Variants in RARB observed in about 807,000 individuals in gnomAD.
RARB encodes the protein HBV-activated protein.
In RARB, 17 loss-of-function variants were observed where a neutral mutation model predicts 51.9. That is an observed-to-expected ratio of 0.33 (90% CI 0.22 to 0.49). The LOEUF (loss-of-function observed/expected upper bound fraction) is 0.49, where lower values mean the gene tolerates loss of function less well. Ranked by LOEUF, RARB falls within the 20% of genes least tolerant of loss-of-function variation. RARB has a pLI of 0.99. For synonymous variants in RARB, 215 were observed against 195.4 expected (o/e 1.10, Z -0.84); for missense variants, 369 against 550.8 (o/e 0.67, Z 3.30).
At position 25,502,451 on chromosome 3, in the gene RARB, G is replaced by T. The variant is rs554217839; in HGVS notation, c.448+1128G>T. Among the ~76,000 whole-genome samples, 6 of 152,268 alleles carry T rather than the reference G, an allele frequency of 3.9e-5. No individual in the cohort carries two copies. In the South Asian group the frequency reaches 1.2e-3, roughly 32 times the overall value. ...CCTCTGCTGGGAGCTATTGCTCAGG[G>T]ATTGTAGCAGATGTTTGTTGGTAGC... On this transcript the variant is annotated intron_variant, in intron 3 of 7. Transcript: ENST00000330688.
intron 5 of RARB, among the ~76,000 whole-genome samples, chr3:25,191,554 C>A (rs1432995274): frequency 6.6e-6 from 1 of 152,100 alleles, no homozygotes; most frequent in East Asian, 1.9e-4. Flanking sequence ...AATTTTCCTT[C>A]CAAAGCACAT....
rs185928251 is a variant in RARB, at chr3:25,223,244, T to G, written c.178+48669T>G. ...TACCTTTTGTAGAATGTCATACATA[T>G]GGAATTATACTTGTAGTCTTTTGAC... On this transcript the variant is annotated intron_variant, in intron 5 of 11. Transcript: ENST00000383772. 1.1e-4 allele frequency among the ~76,000 whole-genome samples: 17 copies of G among 152,358 alleles called. No homozygotes were observed. The East Asian group carries it at 3.3e-3, about 29-fold the overall frequency.
Position 25,042,771 on chromosome 3 carries a change from T to C in RARB, c.-379-17354T>C, listed in dbSNP as rs549214517. Among the ~76,000 whole-genome samples, 4 of 152,348 alleles carry C rather than the reference T, an allele frequency of 2.6e-5. No homozygotes were observed. In the East Asian group the frequency reaches 7.7e-4, roughly 29 times the overall value. On this transcript the variant is annotated intron_variant, in intron 2 of 11. Transcript: ENST00000383772. ...TCTGTTCACTTCCAAGTTCCTATTATCTGTGATAAGTTTTTCAATTCTTTT... is the reference window on the plus strand; with the variant it reads ...TCTGTTCACTTCCAAGTTCCTATTACCTGTGATAAGTTTTTCAATTCTTTT...
chr3:25,001,478 G>C (rs1697156740), intron 2 of RARB, among the ~76,000 whole-genome samples: 1 of 152,050 alleles, frequency 6.6e-6, no homozygotes, highest in African/African-American at 2.4e-5. Flanking sequence ...CTCTCCCTCA[G>C]ACAGAAAAAA....
intron 5 of RARB, among the ~76,000 whole-genome samples, chr3:25,582,316 G>T (rs557946300): frequency 6.2e-4 from 94 of 152,230 alleles, no homozygotes; most frequent in Non-Finnish European, 1.1e-3. Flanking sequence ...AGCAGAGACT[G>T]GAGTTACCAC....
intron 4 of RARB, among the ~76,000 whole-genome samples, chr3:25,165,425 T>A (rs998361219): frequency 6.6e-6 from 1 of 152,160 alleles, no homozygotes; most frequent in African/African-American, 2.4e-5. Flanking sequence ...ATAGGATAGA[T>A]GGGTCAACAT....
intron 5 of RARB, among the ~76,000 whole-genome samples, chr3:25,251,277 G>A (rs960855056): frequency 3.3e-5 from 5 of 151,440 alleles, no homozygotes; most frequent in African/African-American, 1.2e-4. Flanking sequence ...TTACAAGATG[G>A]GCATTTGGAT....
At chr3:24,979,135 G>A (rs955598105) in intron 2 of RARB, among the ~76,000 whole-genome samples, 3 of 152,122 alleles carry the variant, frequency 2.0e-5, no homozygotes, top group African/African-American at 7.2e-5. Flanking sequence ...TGTGATTTCT[G>A]TTCTCTTACA....
At chr3:25,461,800 C>T (rs896700014) in intron 2 of RARB, among the ~76,000 whole-genome samples, 1 of 152,172 alleles carries the variant, frequency 6.6e-6, no homozygotes, top group African/African-American at 2.4e-5. Flanking sequence ...GAGGCTGAGA[C>T]ACGAGAATCA....
At chr3:25,307,193 T>G (rs568428355) in intron 5 of RARB, among the ~76,000 whole-genome samples, 1 of 152,028 alleles carries the variant, frequency 6.6e-6, no homozygotes, top group Non-Finnish European at 1.5e-5. Context: ...CTGGACAACA[T>G]AGTGAACATA....
At chr3:25,357,748 A>G (rs908024367) in intron 5 of RARB, among the ~76,000 whole-genome samples, 2 of 152,090 alleles carry the variant, frequency 1.3e-5, no homozygotes, top group South Asian at 2.1e-4. Context: ...AGTTTTCCCA[A>G]CAATGCTTAT....
intron 5 of RARB, among the ~76,000 whole-genome samples, chr3:25,344,056 C>G (rs1438305914): frequency 6.6e-6 from 1 of 152,160 alleles, no homozygotes; most frequent in African/African-American, 2.4e-5. Flanking sequence ...AAGTGTTAGG[C>G]TAAGGATCAG....
chr3:25,332,695 G>T (rs1704939000), intron 5 of RARB, among the ~76,000 whole-genome samples: 1 of 152,188 alleles, frequency 6.6e-6, no homozygotes, highest in South Asian at 2.1e-4. Flanking sequence ...GCAGGAGAAA[G>T]AAATAAAGGG....
chr3:25,521,408 A>T (rs563942964), intron 3 of RARB, among the ~76,000 whole-genome samples: 1 of 152,208 alleles, frequency 6.6e-6, no homozygotes, highest in African/African-American at 2.4e-5. Flanking sequence ...GGGTGAATCA[A>T]CATGTGAACT....
At chr3:24,955,883 G>C (rs981235586) in intron 2 of RARB, among the ~76,000 whole-genome samples, 2 of 152,148 alleles carry the variant, frequency 1.3e-5, no homozygotes, top group Non-Finnish European at 2.9e-5. Context: ...GCCCTCGGAA[G>C]AATAGGTAAA....
At chr3:25,224,157 T>C (rs963027399) in intron 5 of RARB, among the ~76,000 whole-genome samples, 1 of 152,128 alleles carries the variant, frequency 6.6e-6, no homozygotes, top group African/African-American at 2.4e-5. Context: ...TGGTAGAAAA[T>C]TTTGTGCAGT....
chr3:25,471,460 C>T (rs932502751), intron 2 of RARB, among the ~76,000 whole-genome samples: 2 of 151,468 alleles, frequency 1.3e-5, no homozygotes, highest in South Asian at 2.1e-4. Context: ...CACTTTTCTT[C>T]TTCTAACAAA....
Position 24,946,882 on chromosome 3 carries a change from G to A in RARB, c.-380+88130G>A, listed in dbSNP as rs556837220. On this transcript the variant is annotated intron_variant, in intron 2 of 11. Coordinates refer to the RARB transcript ENST00000383772. ...ACTGTCAATCATAATAGTAATAATA[G>A]CAAGGCTCATGGAAAAAACAGAACA... 1.3e-3 allele frequency among the ~76,000 whole-genome samples: 201 copies of A among 152,182 alleles called. 2 individuals carry two copies. Among genetic ancestry groups the A allele is most frequent in the Admixed American group, 2.6e-3 (40 of 15,292 alleles).
At chr3:25,327,605 T>C (rs1278821184) in intron 5 of RARB, among the ~76,000 whole-genome samples, 1 of 152,206 alleles carries the variant, frequency 6.6e-6, no homozygotes, top group African/African-American at 2.4e-5. Flanking sequence ...ACTGTACTCT[T>C]TACTAATCTG....
Sources: allele counts gnomAD v4.1 joint callset (sites outside exome capture counted in the v4.1 genomes callset), GRCh38; gene constraint gnomAD v4.1.1; transcripts MANE v1.5; gene names NCBI Gene and HGNC (gene_info 2026-07-23, HGNC 2026-07-21).